Variants in ADAMTS2 observed in about 807,000 individuals in gnomAD.
ADAMTS2 encodes A disintegrin and metalloproteinase with thrombospondin motifs 2.
ADAMTS2 carries 50 observed loss-of-function variants against 123.0 expected under a neutral mutation model. That is an observed-to-expected ratio of 0.41 (90% CI 0.32 to 0.51). ADAMTS2 has a LOEUF of 0.51. ADAMTS2 is among the 20% of genes least tolerant of loss of function. ADAMTS2 has a pLI of 0.35. For missense variants in ADAMTS2, 1,494 were observed against 1,705.2 expected, an observed-to-expected ratio of 0.88 and a Z score of 2.18; for synonymous variants, 678 against 695.4, an observed-to-expected ratio of 0.98 and a Z score of 0.39.
intron 13 of ADAMTS2, 139 bp from the exon 14 acceptor site, chr5:179,133,039 G>A (rs558978176): frequency 8.6e-6 from 10 of 1,156,406 alleles, no homozygotes; most frequent in Admixed American, 2.0e-5. Context: ...GATTACAGGC[G>A]TGAACCACCT....
chr5:179,184,325 A>G (rs1764115584), intron 4 of ADAMTS2, among the ~76,000 whole-genome samples: 1 of 152,116 alleles, frequency 6.6e-6, no homozygotes, highest in Non-Finnish European at 1.5e-5. Context: ...CAGCCTGGCC[A>G]ACACGGTGAA....
intron 3 of ADAMTS2, among the ~76,000 whole-genome samples, chr5:179,259,816 T>A (rs1480753774): frequency 1.3e-5 from 2 of 152,198 alleles, no homozygotes; most frequent in African/African-American, 4.8e-5. Flanking sequence ...ACCCCCAATT[T>A]TGGCCACTGT....
rs180692028 is a variant in ADAMTS2, at chr5:179,326,114, C to G, written c.534+17653G>C. Among the ~76,000 whole-genome samples the G allele has an allele frequency of 3.5e-3, 527 of 152,374 alleles. 4 individuals are homozygous for G. Among genetic ancestry groups the G allele is most frequent in the South Asian group, 0.028 (133 of 4,830 alleles). On this transcript the variant is annotated intron_variant, in intron 2 of 21. Transcript: ENST00000251582. The stretch of plus-strand genomic sequence containing the variant: ...GGCCTGCCCGCCACGAGACTCTTCT[C>G]CCATTCCAGACTGGAAATCTTTTCC...
intron 3 of ADAMTS2, among the ~76,000 whole-genome samples, chr5:179,232,225 A>C (rs1200176619): frequency 2.0e-5 from 3 of 152,198 alleles, no homozygotes; most frequent in Non-Finnish European, 4.4e-5. Context: ...TGCGGCTGTT[A>C]CATTGCACCA....
chr5:179,142,358 C>G (rs1763185777), intron 10 of ADAMTS2, among the ~76,000 whole-genome samples: 1 of 152,134 alleles, frequency 6.6e-6, no homozygotes, highest in African/African-American at 2.4e-5. Flanking sequence ...GATGCTCAAC[C>G]TGTAGAAGTT....
At chr5:179,164,251 G>A (rs922406387) in intron 5 of ADAMTS2, among the ~76,000 whole-genome samples, 1 of 152,218 alleles carries the variant, frequency 6.6e-6, no homozygotes, top group Non-Finnish European at 1.5e-5. Flanking sequence ...GCTGGGTCTG[G>A]AGCATTCAAG....
At chr5:179,205,001 T>C (rs1362537160) in intron 4 of ADAMTS2, among the ~76,000 whole-genome samples, 5 of 152,262 alleles carry the variant, frequency 3.3e-5, no homozygotes, top group African/African-American at 1.2e-4. Context: ...ACGGTTTCTC[T>C]GTTGTGATAA....
In ADAMTS2 at chr5:179,125,109, C is replaced by T. The variant is rs771394684; in HGVS notation, c.2822G>A (p.Arg941His). The T allele has an allele frequency of 1.3e-5, 21 of 1,612,806 alleles. No homozygotes were observed. The African/African-American group carries it at 2.0e-4, about 15-fold the overall frequency. Reference sequence around the variant, plus strand: ...GTTGTCGTGTAGCGGCTGAATGCAGCGCACGGAGCGCACCTGCATGCCTGT... The same window carrying T: ...GTTGTCGTGTAGCGGCTGAATGCAGTGCACGGAGCGCACCTGCATGCCTGT... ...GRTGMQVRSV[R>H]CIQPLHDNTT... Residue 941 changes from arginine (R) to histidine (H), a missense_variant, in exon 19 of 22, where the codon CGC becomes CAC. Physicochemically the swap from Arg to His is conservative, Grantham distance 29. This residue lies in a region of ADAMTS2 where 953 missense variants were observed against 1,124.7 expected (regional missense o/e 0.85). Transcript: ENST00000251582.
Position 179,345,355 on chromosome 5 carries a change from G to A in ADAMTS2, c.-27C>T. Reference sequence around the variant, plus strand: ...GCAGCCGGACTGCAGCCGGGGCCCCGCACTCGCAGCCGGCGCGAAAGTTCC... The same window carrying A: ...GCAGCCGGACTGCAGCCGGGGCCCCACACTCGCAGCCGGCGCGAAAGTTCC... On this transcript the variant is annotated 5_prime_UTR_variant, in exon 1 of 22. Transcript: ENST00000251582. This position sits in a 1 kb window ranked among gnomAD's most constrained non-coding sequence, Gnocchi z 7.5. The A allele has an allele frequency of 2.7e-6, 3 of 1,124,360 alleles. No homozygotes were observed. The highest frequency in any genetic ancestry group is 3.3e-6 in the Non-Finnish European group (3 of 919,148). 69.6% of individuals were successfully genotyped at this position (1,124,360 alleles called of 1,614,324 possible).
chr5:179,284,711 T>C (rs1755968627), intron 2 of ADAMTS2, among the ~76,000 whole-genome samples: 1 of 152,210 alleles, frequency 6.6e-6, no homozygotes, highest in Non-Finnish European at 1.5e-5. Context: ...AATAACACTC[T>C]ATGCCCTGCA....
intron 4 of ADAMTS2, among the ~76,000 whole-genome samples, chr5:179,207,038 A>C (rs1764715482): frequency 6.6e-6 from 1 of 152,194 alleles, no homozygotes. Flanking sequence ...CTTTAAACAG[A>C]AAAGGGGCTT....
chr5:179,329,342 A>C (rs1285976716), intron 2 of ADAMTS2, among the ~76,000 whole-genome samples: 4 of 151,136 alleles, frequency 2.6e-5, no homozygotes, highest in African/African-American at 9.7e-5. Flanking sequence ...AAAAAAAAAA[A>C]ACAAAACAAA....
At position 179,329,058 on chromosome 5, in the gene ADAMTS2, T is replaced by C. The variant is rs972587142; in HGVS notation, c.534+14709A>G. 1.1e-4 allele frequency among the ~76,000 whole-genome samples: 17 copies of C among 152,268 alleles called. 1 individual carries two copies. Among genetic ancestry groups the C allele is most frequent in the African/African-American group, 2.9e-4 (12 of 41,562 alleles). ...GAAAAACAGAAAAGGCCAGGCACAG[T>C]GGCTCATGCCTGCAATCCCAGCACT... On this transcript the variant is annotated intron_variant, in intron 2 of 21. Coordinates refer to ENST00000251582, the MANE Select transcript of ADAMTS2 (RefSeq NM_014244.5).
chr5:179,190,189 T>C (rs1764273288), intron 4 of ADAMTS2, among the ~76,000 whole-genome samples: 1 of 152,020 alleles, frequency 6.6e-6, no homozygotes, highest in South Asian at 2.1e-4. Flanking sequence ...CAAAATGAAA[T>C]AGTGGTGAAG....
At chr5:179,186,572 C>T (rs1292623420) in intron 4 of ADAMTS2, among the ~76,000 whole-genome samples, 4 of 152,354 alleles carry the variant, frequency 2.6e-5, no homozygotes, top group African/African-American at 4.8e-5. Flanking sequence ...GGCCAGAGGC[C>T]TGCAGGGCCC....
At chr5:179,295,762 C>G (rs1047237117) in intron 2 of ADAMTS2, among the ~76,000 whole-genome samples, 1 of 152,136 alleles carries the variant, frequency 6.6e-6, no homozygotes, top group Admixed American at 6.5e-5. Flanking sequence ...AAGTGAGAGT[C>G]GGGGTGGGAG....
At position 179,153,358 on chromosome 5, in the gene ADAMTS2, G is replaced by A; in HGVS notation, c.1515+133C>T. The A allele has an allele frequency of 1.7e-5, 24 of 1,391,020 alleles. No homozygotes were observed. In the South Asian group the frequency reaches 3.0e-4, roughly 17 times the overall value. 86.2% of individuals were successfully genotyped at this position (1,391,020 alleles called of 1,614,324 possible). A position where few individuals can be genotyped will look rare whatever the true frequency, so the allele number is the denominator to read the frequency against. On this transcript the variant is annotated intron_variant, in intron 9 of 21. Coordinates refer to ENST00000251582, the MANE Select transcript of ADAMTS2 (RefSeq NM_014244.5). The stretch of plus-strand genomic sequence containing the variant: ...GGGGAGTGGTGGGTGCAGAGGGACA[G>A]GCTGCCACTCTGGAGGGCCGCTCTG...
At chr5:179,207,427 A>C in intron 4 of ADAMTS2, 86 bp downstream of exon 4, 3 of 1,397,498 alleles carry the variant, frequency 2.1e-6, no homozygotes, top group Non-Finnish European at 3.0e-6. Flanking sequence ...GCCTCAGGGG[A>C]CCTGGCCCAG....
intron 21 of ADAMTS2, among the ~76,000 whole-genome samples, chr5:179,116,260 A>ACCCCCCCCCCCCCCCCCCCCCCCCCCCCC (rs146306326): frequency 1.1e-4 from 10 of 93,870 alleles, no homozygotes; most frequent in African/African-American, 2.4e-4. Flanking sequence ...TGACCACGGC[A>ACCCCCCCCCCCCCCCCCCCCCCCCCCCCC]CCCCCCCCCC....
Sources: allele counts gnomAD v4.1 joint callset (sites outside exome capture counted in the v4.1 genomes callset), GRCh38; gene constraint gnomAD v4.1.1; regional missense constraint gnomAD v4.1.1; non-coding constraint Gnocchi (gnomAD v3.1); transcripts MANE v1.5; gene names NCBI Gene and HGNC (gene_info 2026-07-23, HGNC 2026-07-21).